USP25: variants seen among roughly 807,000 people sequenced by gnomAD.
USP25 encodes the protein ubiquitin carboxyl-terminal hydrolase 25.
USP25 carries 85 observed loss-of-function variants against 158.5 expected under a neutral mutation model. The observed-to-expected ratio is 0.54, with a 90% confidence interval of 0.45 to 0.64. USP25 has a LOEUF of 0.64. Among genes scored for constraint, USP25 ranks in the 30% least tolerant of loss-of-function variants. The pLI, the probability that USP25 is intolerant of heterozygous loss-of-function variation, is 0.00. For synonymous variants in USP25, 464 were observed against 460.4 expected (o/e 1.01, Z -0.10); for missense variants, 1,242 against 1,327.3 (o/e 0.94, Z 1.00).
intron 1 of USP25, among the ~76,000 whole-genome samples, chr21:15,731,525 A>G (rs950146593): frequency 1.1e-4 from 17 of 152,178 alleles, no homozygotes; most frequent in African/African-American, 4.1e-4. Context: ...TGGGCTGTCT[A>G]CATACAGCCT....
intron 10 of USP25, among the ~76,000 whole-genome samples, chr21:15,820,630 G>A (rs184492742): frequency 2.6e-3 from 402 of 151,922 alleles, no homozygotes; most frequent in African/African-American, 9.1e-3. Flanking sequence ...CTAAAGTATA[G>A]TATCAGTTTT....
intron 3 of USP25, among the ~76,000 whole-genome samples, chr21:15,771,763 A>G (rs953183569): frequency 6.6e-6 from 1 of 151,498 alleles, no homozygotes; most frequent in Non-Finnish European, 1.5e-5. Flanking sequence ...TTTTGTATGT[A>G]GACTTTTCCC....
At chr21:15,733,463 TG>T (rs1368723756) in intron 1 of USP25, among the ~76,000 whole-genome samples, 2 of 152,052 alleles carry the variant, frequency 1.3e-5, no homozygotes, top group African/African-American at 4.8e-5. Context: ...CTGGGCATGG[TG>T]GCTCATGCTT....
intron 1 of USP25, among the ~76,000 whole-genome samples, chr21:15,737,451 C>T (rs1489686725): frequency 6.6e-6 from 1 of 152,076 alleles, no homozygotes; most frequent in Non-Finnish European, 1.5e-5. Flanking sequence ...CTATTTAAAA[C>T]AAAAGCTGGA....
chr21:15,791,364 G>T, intron 4 of USP25, 138 bp from the exon 5 acceptor site: 1 of 935,544 alleles, frequency 1.1e-6, no homozygotes. Flanking sequence ...ACGTGTATTT[G>T]AGTAAAGTTA....
At chr21:15,831,703 A>G (rs2037813230) in intron 16 of USP25, 74 bp downstream of exon 16, 1 of 1,205,150 alleles carries the variant, frequency 8.3e-7, no homozygotes, top group African/African-American at 1.5e-5. Flanking sequence ...TGATTAGTTA[A>G]GTGTAATTCA....
chr21:15,752,444 G>C (rs1027329651), intron 1 of USP25, among the ~76,000 whole-genome samples: 9 of 151,508 alleles, frequency 5.9e-5, no homozygotes, highest in Admixed American at 5.3e-4. Context: ...TCGAACTCCT[G>C]ACCTTGTGAT....
intron 20 of USP25, among the ~76,000 whole-genome samples, chr21:15,851,202 C>T (rs2088790132): frequency 6.6e-6 from 1 of 151,344 alleles, no homozygotes; most frequent in Admixed American, 6.6e-5. Flanking sequence ...ATTGTCATTT[C>T]TGACCAGATT....
rs778236859 is a variant in USP25, at chr21:15,866,247, G to A, written c.2727-19G>A. On this transcript the variant is annotated intron_variant, in intron 21 of 25. Transcript: ENST00000400183. ...CACACACATACACACACGCTCATATGTATGTGTTTTTTTTTAAGGTGTCAC... is the reference window on the plus strand; with the variant it reads ...CACACACATACACACACGCTCATATATATGTGTTTTTTTTTAAGGTGTCAC... 4.4e-6 allele frequency: 7 copies of A among 1,575,262 alleles called. No individual in the cohort carries two copies. The African/African-American group carries it at 5.5e-5, about 12-fold the overall frequency.
intron 1 of USP25, among the ~76,000 whole-genome samples, chr21:15,761,211 A>G (rs1351517315): frequency 2.6e-5 from 4 of 152,278 alleles, no homozygotes; most frequent in Admixed American, 6.5e-5. Flanking sequence ...ATTTTATCCT[A>G]TTATTGGTAA....
intron 1 of USP25, among the ~76,000 whole-genome samples, chr21:15,761,173 T>TA (rs1277409016): frequency 6.6e-6 from 1 of 152,182 alleles, no homozygotes; most frequent in Non-Finnish European, 1.5e-5. Flanking sequence ...TCTCACAGAT[T>TA]ATAGAGTGTC....
At chr21:15,812,801 C>T (rs578027427) in intron 9 of USP25, among the ~76,000 whole-genome samples, 4 of 152,286 alleles carry the variant, frequency 2.6e-5, no homozygotes, top group Non-Finnish European at 4.4e-5. Flanking sequence ...TAATTTATTT[C>T]AGAGTACTTT....
In USP25 at chr21:15,879,290, G is replaced by A. The variant is rs2040209190; in HGVS notation, c.*815G>A. On this transcript the variant is annotated 3_prime_UTR_variant, in exon 26 of 26. Coordinates refer to ENST00000400183, the MANE Select transcript of USP25 (RefSeq NM_001283041.3). ...AGAATCCCAAAGTACTTGAATAAGG[G>A]CTATTGTAAAATTTAAAAGAAATAT... The A allele has an allele frequency of 6.6e-6, 1 of 152,154 alleles. No individual in the cohort carries two copies. The highest frequency in any genetic ancestry group is 2.4e-5 in the African/African-American group (1 of 41,304). The allele number at this position is 152,154 out of a possible 1,614,324, so 9.4% of individuals were successfully genotyped here.
intron 3 of USP25, among the ~76,000 whole-genome samples, chr21:15,772,539 A>T (rs2034415771): frequency 6.6e-6 from 1 of 152,160 alleles, no homozygotes; most frequent in African/African-American, 2.4e-5. Context: ...AATATTAATA[A>T]TGCTCTGGCA....
intron 5 of USP25, among the ~76,000 whole-genome samples, chr21:15,793,777 A>G (rs1272258418): frequency 6.6e-6 from 1 of 151,672 alleles, no homozygotes; most frequent in East Asian, 1.9e-4. Context: ...ATTTGGCTAG[A>G]GATCACCTGA....
chr21:15,761,044 T>A (rs2033692118), intron 1 of USP25, among the ~76,000 whole-genome samples: 2 of 152,246 alleles, frequency 1.3e-5, no homozygotes, highest in Admixed American at 1.3e-4. Context: ...CACCTGCTTT[T>A]CATGGCATAG....
Position 15,826,133 on chromosome 21 carries a change from T to TATA in USP25, c.1305-60_1305-58dup, listed in dbSNP as rs1488680110. 4.2e-5 allele frequency: 62 copies of TATA among 1,470,790 alleles called. No individual in the cohort carries two copies. In the South Asian group the frequency reaches 7.9e-4, roughly 19 times the overall value. The allele number at this position is 1,470,790 out of a possible 1,614,324, so 91.1% of individuals were successfully genotyped here. ...TTTATTGAAGTATCGTATCACGTTT[T>TATA]ATAATAATAATAAAGGCCCAAATAT... On this transcript the variant is annotated intron_variant, in intron 12 of 25. Coordinates refer to ENST00000400183, the MANE Select transcript of USP25 (RefSeq NM_001283041.3). This position sits in a 1 kb window ranked among gnomAD's most constrained non-coding sequence, Gnocchi z 4.8.
At chr21:15,787,309 A>G (rs1363827830) in intron 4 of USP25, among the ~76,000 whole-genome samples, 1 of 152,136 alleles carries the variant, frequency 6.6e-6, no homozygotes, top group African/African-American at 2.4e-5. Flanking sequence ...AAGCCTGAAC[A>G]AAAGGAACAA....
At chr21:15,811,381 A>G (rs2036654818) in intron 9 of USP25, among the ~76,000 whole-genome samples, 171 bp downstream of exon 9, 4 of 152,212 alleles carry the variant, frequency 2.6e-5, no homozygotes, top group Admixed American at 2.6e-4. Flanking sequence ...AATTGAATGA[A>G]GGAAAAGGAA....
Sources: allele counts gnomAD v4.1 joint callset (sites outside exome capture counted in the v4.1 genomes callset), GRCh38; gene constraint gnomAD v4.1.1; non-coding constraint Gnocchi (gnomAD v3.1); transcripts MANE v1.5; gene names NCBI Gene and HGNC (gene_info 2026-07-23, HGNC 2026-07-21).